GALNT17: variants seen among roughly 807,000 people sequenced by gnomAD.
The protein encoded by GALNT17 is UDP-GalNAc:polypeptide N-acetylgalactosaminyltransferase-like 3.
A neutral mutation model predicts 63.7 loss-of-function variants in GALNT17; 29 were observed. The ratio of observed to expected loss-of-function variants is 0.46; its 90% CI spans 0.34 to 0.62. GALNT17 has a LOEUF of 0.62. GALNT17 is among the 20% of genes least tolerant of loss of function. The pLI, the probability that GALNT17 is intolerant of heterozygous loss-of-function variation, is 0.01. For missense variants in GALNT17, 603 were observed against 799.6 expected (o/e 0.75, Z 2.97); for synonymous variants, 305 against 318.3 (o/e 0.96, Z 0.45).
At chr7:71,418,026 A>G (rs1306475028) in intron 4 of GALNT17, among the ~76,000 whole-genome samples, 2 of 152,166 alleles carry the variant, frequency 1.3e-5, no homozygotes, top group Non-Finnish European at 2.9e-5. Flanking sequence ...CTAGATGCCT[A>G]CCATATCCCT....
intron 1 of GALNT17, among the ~76,000 whole-genome samples, chr7:71,292,666 AGAGT>A (rs1318002054): frequency 0.074 from 8,667 of 116,622 alleles, 211 homozygotes; most frequent in East Asian, 0.13. Flanking sequence ...AGAGAGAGAG[AGAGT>A]GTGTGTGTGT....
chr7:71,482,081 A>ATATGTGTGTG (rs1554379988), intron 5 of GALNT17, among the ~76,000 whole-genome samples: 1 of 138,186 alleles, frequency 7.2e-6, no homozygotes, highest in Non-Finnish European at 1.5e-5. Context: ...ATATATGTAT[A>ATATGTGTGTG]TGTGTGTGTG....
At chr7:71,550,531 C>A (rs1170296386) in intron 5 of GALNT17, among the ~76,000 whole-genome samples, 3 of 152,034 alleles carry the variant, frequency 2.0e-5, no homozygotes, top group Non-Finnish European at 2.9e-5. Flanking sequence ...CAGGCCTGTG[C>A]CACTATGCCC....
At chr7:71,240,822 G>A (rs1050286954) in intron 1 of GALNT17, among the ~76,000 whole-genome samples, 3 of 151,818 alleles carry the variant, frequency 2.0e-5, no homozygotes, top group African/African-American at 4.8e-5. Context: ...CCGCCACCTC[G>A]CCTGGCTAAT....
intron 6 of GALNT17, among the ~76,000 whole-genome samples, chr7:71,587,987 T>C (rs1789743893): frequency 6.6e-6 from 1 of 152,228 alleles, no homozygotes; most frequent in East Asian, 1.9e-4. Context: ...TTTACTGTCC[T>C]AGACCTGGAA....
At chr7:71,261,393 G>A (rs2014978) in intron 1 of GALNT17, among the ~76,000 whole-genome samples, 46,069 of 151,302 alleles carry the variant, frequency 0.3, 7,185 homozygotes, top group East Asian at 0.5. Flanking sequence ...TTGGCAAATG[G>A]ATCTCACACA....
intron 1 of GALNT17, among the ~76,000 whole-genome samples, chr7:71,145,228 AC>A (rs1787995498): frequency 6.6e-6 from 1 of 152,124 alleles, no homozygotes; most frequent in Non-Finnish European, 1.5e-5. Context: ...CAAAGGGAAA[AC>A]TGAACGCTTC....
intron 5 of GALNT17, among the ~76,000 whole-genome samples, chr7:71,518,003 G>A (rs1007393487): frequency 2.2e-4 from 33 of 152,268 alleles, no homozygotes; most frequent in African/African-American, 7.9e-4. Context: ...AAAGGCCCCT[G>A]GGGGAGACAG....
In GALNT17 at chr7:71,575,048, G is replaced by A. The variant is rs75691027; in HGVS notation, c.1080+3646G>A. ...TTTTAACTTCATGTACGGGTGTCTC[G>A]ACCAGGTGACTACAGGGTTCCTGAT... On this transcript the variant is annotated intron_variant, in intron 6 of 10. Transcript: ENST00000333538. Among the ~76,000 whole-genome samples the A allele has an allele frequency of 5.7e-3, 861 of 152,184 alleles. 7 individuals are homozygous for A. The highest frequency in any genetic ancestry group is 0.019 in the African/African-American group (802 of 41,520).
intron 1 of GALNT17, among the ~76,000 whole-genome samples, chr7:71,311,649 G>C (rs142940640): frequency 6.6e-6 from 1 of 152,264 alleles, no homozygotes; most frequent in Admixed American, 6.5e-5. Flanking sequence ...TCTCAGTGAA[G>C]AGTGATGTCA....
chr7:71,275,184 T>A (rs1454829226), intron 1 of GALNT17, among the ~76,000 whole-genome samples: 1 of 152,190 alleles, frequency 6.6e-6, no homozygotes, highest in Non-Finnish European at 1.5e-5. Context: ...AATATAATAA[T>A]CCTTCCCTTA....
At chr7:71,248,098 G>C (rs183668067) in intron 1 of GALNT17, among the ~76,000 whole-genome samples, 1 of 152,254 alleles carries the variant, frequency 6.6e-6, no homozygotes, top group South Asian at 2.1e-4. Context: ...TCACAGCTCC[G>C]CATGTCTGGG....
chr7:71,514,682 G>T (rs1225788533), intron 5 of GALNT17, among the ~76,000 whole-genome samples: 1 of 152,160 alleles, frequency 6.6e-6, no homozygotes, highest in East Asian at 1.9e-4. Context: ...TGCTCAGCCT[G>T]ACTCTGTCTC....
At chr7:71,654,326 G>A (rs941425412) in intron 6 of GALNT17, among the ~76,000 whole-genome samples, 26 of 152,198 alleles carry the variant, frequency 1.7e-4, no homozygotes, top group African/African-American at 5.8e-4. Flanking sequence ...CGCCCGGCCG[G>A]CTGGAGGGTT....
chr7:71,189,967 C>T (rs1298506858), intron 1 of GALNT17, among the ~76,000 whole-genome samples: 15 of 151,898 alleles, frequency 9.9e-5, no homozygotes, highest in African/African-American at 2.9e-4. Flanking sequence ...CCTGCCACCA[C>T]GCCTGGCTAA....
intron 6 of GALNT17, among the ~76,000 whole-genome samples, chr7:71,585,124 A>C (rs530499090): frequency 6.6e-6 from 1 of 152,258 alleles, no homozygotes; most frequent in East Asian, 1.9e-4. Context: ...AAGGTTGATT[A>C]CTTCTTCCTT....
chr7:71,439,469 G>C (rs1787026339), intron 5 of GALNT17, among the ~76,000 whole-genome samples: 1 of 152,170 alleles, frequency 6.6e-6, no homozygotes. Context: ...CCCAGGCAGT[G>C]CCCTAGAGCT....
chr7:71,161,624 G>T (rs759621339), intron 1 of GALNT17, among the ~76,000 whole-genome samples: 2 of 152,056 alleles, frequency 1.3e-5, no homozygotes, highest in Non-Finnish European at 2.9e-5. Flanking sequence ...AAAATATTCA[G>T]ATTTTTTTCT....
intron 5 of GALNT17, among the ~76,000 whole-genome samples, chr7:71,535,379 G>A (rs1323905906): frequency 6.6e-6 from 1 of 152,152 alleles, no homozygotes; most frequent in African/African-American, 2.4e-5. Context: ...CTGCCTTCTG[G>A]ATCTGGCACA....
Sources: gnomAD v4.1 joint callset for allele counts (sites outside exome capture counted in the v4.1 genomes callset) on GRCh38, gnomAD v4.1.1 for gene constraint, MANE v1.5 for transcripts, NCBI Gene and HGNC (gene_info 2026-07-23, HGNC 2026-07-21) for gene names.